The following FRMD4A variants were observed in gnomAD, a reference collection of about 807,000 sequenced individuals.
The protein encoded by FRMD4A is FERM domain containing 4A.
FRMD4A carries 29 observed loss-of-function variants against 129.1 expected under a neutral mutation model. The ratio of observed to expected loss-of-function variants is 0.22; its 90% confidence interval spans 0.17 to 0.31. The LOEUF (loss-of-function observed/expected upper bound fraction) is 0.31. Ranked by LOEUF, FRMD4A falls within the 10% of genes least tolerant of loss-of-function variation. The pLI, the probability that FRMD4A is intolerant of heterozygous loss-of-function variation, is 1.00. For missense variants in FRMD4A, 1,272 were observed against 1,375.8 expected, an observed-to-expected ratio of 0.92 and a Z score of 1.19; for synonymous variants, 634 against 571.6, an observed-to-expected ratio of 1.11 and a Z score of -1.56.
intron 2 of FRMD4A, among the ~76,000 whole-genome samples, chr10:14,209,157 C>T (rs985334160): frequency 1.1e-4 from 17 of 152,036 alleles, no homozygotes; most frequent in African/African-American, 3.1e-4. Flanking sequence ...TCTCTGCTGC[C>T]GTCTTCACAT....
At chr10:14,109,685 G>T (rs543627904) in intron 2 of FRMD4A, among the ~76,000 whole-genome samples, 1 of 152,082 alleles carries the variant, frequency 6.6e-6, no homozygotes, top group Non-Finnish European at 1.5e-5. Context: ...TCTTAAAAAT[G>T]CTTTGACCAG....
intron 2 of FRMD4A, among the ~76,000 whole-genome samples, chr10:14,206,887 A>G (rs1311658632): frequency 8.6e-5 from 13 of 151,450 alleles, no homozygotes; most frequent in East Asian, 3.9e-4. Context: ...CCACAGGCTC[A>G]TGCCCCACTG....
chr10:13,767,431 G>A (rs11258588), intron 6 of FRMD4A, among the ~76,000 whole-genome samples: 1 of 151,964 alleles, frequency 6.6e-6, no homozygotes, highest in Non-Finnish European at 1.5e-5. Context: ...TGGAAGCAGG[G>A]TTTCACCATG....
intron 2 of FRMD4A, among the ~76,000 whole-genome samples, chr10:14,035,571 T>C (rs956823640): frequency 6.6e-6 from 1 of 152,184 alleles, no homozygotes; most frequent in African/African-American, 2.4e-5. Context: ...TAAATTTAGC[T>C]TGATAGAAAA....
intron 13 of FRMD4A, among the ~76,000 whole-genome samples, chr10:13,703,970 A>C (rs1442457045): frequency 1.3e-5 from 2 of 152,186 alleles, no homozygotes; most frequent in Non-Finnish European, 2.9e-5. Flanking sequence ...GCGCCACTGC[A>C]TTCCAGCCTG....
intron 2 of FRMD4A, among the ~76,000 whole-genome samples, chr10:13,931,556 T>C (rs943120386): frequency 5.9e-5 from 9 of 152,164 alleles, no homozygotes; most frequent in African/African-American, 2.2e-4. Context: ...TGGCTGCTAC[T>C]ACCCTGTGCA....
chr10:14,247,885 T>C (rs1027428390), intron 2 of FRMD4A, among the ~76,000 whole-genome samples: 4 of 152,186 alleles, frequency 2.6e-5, no homozygotes, highest in African/African-American at 9.7e-5. Flanking sequence ...GAGAGCTCTG[T>C]TGGACCTTCA....
intron 2 of FRMD4A, among the ~76,000 whole-genome samples, chr10:13,864,627 G>A (rs2094341069): frequency 6.7e-6 from 1 of 148,458 alleles, no homozygotes; most frequent in African/African-American, 2.5e-5. Flanking sequence ...TCAGGCTGGA[G>A]TGAAGTGGCA....
At chr10:14,162,522 G>A (rs1840944937) in intron 2 of FRMD4A, among the ~76,000 whole-genome samples, 1 of 152,166 alleles carries the variant, frequency 6.6e-6, no homozygotes, top group Admixed American at 6.5e-5. Flanking sequence ...GAGGAACACG[G>A]GGTCTGATTG....
chr10:14,223,332 A>G (rs181282250), intron 2 of FRMD4A, among the ~76,000 whole-genome samples: 2 of 152,154 alleles, frequency 1.3e-5, no homozygotes, highest in East Asian at 1.9e-4. Context: ...CTTCCCCCAT[A>G]TCTGGAGTGG....
chr10:14,282,717 G>A (rs1845561555), intron 2 of FRMD4A, among the ~76,000 whole-genome samples: 1 of 152,160 alleles, frequency 6.6e-6, no homozygotes, highest in African/African-American at 2.4e-5. Flanking sequence ...AGCAGACACA[G>A]GTTTAATGAG....
chr10:13,973,618 G>A (rs1262082131), intron 2 of FRMD4A, among the ~76,000 whole-genome samples: 1 of 152,068 alleles, frequency 6.6e-6, no homozygotes, highest in Non-Finnish European at 1.5e-5. Context: ...ATGAAAAGCA[G>A]GTGGGTACTA....
chr10:13,991,054 C>T (rs1204204277), intron 2 of FRMD4A, among the ~76,000 whole-genome samples: 1 of 152,190 alleles, frequency 6.6e-6, no homozygotes, highest in African/African-American at 2.4e-5. Flanking sequence ...TGAAGCTGCT[C>T]TCTGAAAGCC....
intron 8 of FRMD4A, among the ~76,000 whole-genome samples, chr10:13,760,673 T>A (rs77262648): frequency 0.01 from 1,578 of 152,280 alleles, 27 homozygotes; most frequent in African/African-American, 0.036. Context: ...CATTTACAGA[T>A]AAAATCCCTC....
intron 2 of FRMD4A, among the ~76,000 whole-genome samples, chr10:14,231,963 A>C (rs1402073607): frequency 6.6e-6 from 1 of 152,054 alleles, no homozygotes; most frequent in African/African-American, 2.4e-5. Flanking sequence ...TTTTGTTTTC[A>C]TGGTAATTGC....
intron 20 of FRMD4A, 143 bp from the exon 21 acceptor site, chr10:13,659,633 G>T: frequency 1.3e-6 from 1 of 754,306 alleles, no homozygotes; most frequent in Non-Finnish European, 2.1e-6. Context: ...CTCTACTGTG[G>T]TTCTCAGCCT....
At chr10:14,059,643 C>T (rs907244184) in intron 2 of FRMD4A, among the ~76,000 whole-genome samples, 16 of 152,188 alleles carry the variant, frequency 1.1e-4, no homozygotes, top group African/African-American at 3.9e-4. Context: ...ACTGTTTAGG[C>T]CACCCAGTCT....
intron 3 of FRMD4A, among the ~76,000 whole-genome samples, chr10:13,829,098 T>C (rs1016358417): frequency 6.6e-6 from 1 of 152,214 alleles, no homozygotes; most frequent in African/African-American, 2.4e-5. Flanking sequence ...CATTCCCCTT[T>C]CTCCACATCC....
intron 2 of FRMD4A, among the ~76,000 whole-genome samples, chr10:14,297,802 TC>T (rs1257427812): frequency 6.6e-6 from 1 of 152,036 alleles, no homozygotes; most frequent in Non-Finnish European, 1.5e-5. Flanking sequence ...CCCCTGGGAG[TC>T]CAAGGAGGCA....
Sources: allele counts gnomAD v4.1 joint callset (sites outside exome capture counted in the v4.1 genomes callset), GRCh38; gene constraint gnomAD v4.1.1; transcripts MANE v1.5; gene names NCBI Gene and HGNC (gene_info 2026-07-23, HGNC 2026-07-21).